SUPT3H: variants seen among roughly 807,000 people sequenced by gnomAD.
SUPT3H encodes SPT3 homolog, SAGA and STAGA complex component, also known as transcription initiation protein SPT3 homolog.
A neutral mutation model predicts 44.3 loss-of-function variants in SUPT3H; 44 were observed. The observed-to-expected ratio is 0.99, with a 90% CI of 0.78 to 1.28. The LOEUF (loss-of-function observed/expected upper bound fraction) is 1.28. SUPT3H is among the 50% of genes most tolerant of loss of function. The pLI is 0.00. For missense variants in SUPT3H, 380 were observed against 387.1 expected (o/e 0.98, Z 0.15); for synonymous variants, 124 against 125.6 (o/e 0.99, Z 0.09).
intron 2 of SUPT3H, among the ~76,000 whole-genome samples, chr6:45,320,045 AATG>A (rs1380221144): frequency 2.0e-5 from 3 of 152,158 alleles, no homozygotes; most frequent in African/African-American, 7.2e-5. Flanking sequence ...GACACAATAT[AATG>A]ATTATATGAT....
At chr6:45,354,280 C>T (rs563263305) in intron 2 of SUPT3H, among the ~76,000 whole-genome samples, 6 of 152,080 alleles carry the variant, frequency 3.9e-5, no homozygotes, top group Non-Finnish European at 7.4e-5. Context: ...GATAGATATA[C>T]ACACAATGAA....
chr6:45,168,767 C>T (rs1039966272), intron 2 of SUPT3H, among the ~76,000 whole-genome samples: 12 of 152,150 alleles, frequency 7.9e-5, no homozygotes, highest in East Asian at 3.8e-4. Context: ...TAAGTATACA[C>T]GCACCTGGCA....
chr6:44,933,694 A>G (rs1770956399), intron 9 of SUPT3H, among the ~76,000 whole-genome samples: 1 of 152,238 alleles, frequency 6.6e-6, no homozygotes, highest in South Asian at 2.1e-4. Context: ...CCTAGACTGC[A>G]GTGCAGTGGT....
At chr6:45,266,044 G>A (rs544573768) in intron 2 of SUPT3H, among the ~76,000 whole-genome samples, 13 of 151,978 alleles carry the variant, frequency 8.6e-5, no homozygotes, top group African/African-American at 1.7e-4. Context: ...GTACCACCAC[G>A]ATTTTTTATT....
At chr6:45,258,625 A>G (rs1773807933) in intron 2 of SUPT3H, among the ~76,000 whole-genome samples, 2 of 152,228 alleles carry the variant, frequency 1.3e-5, no homozygotes, top group South Asian at 2.1e-4. Flanking sequence ...GTCAGTCAGT[A>G]AAAGACTTCA....
At chr6:44,819,087 G>T (rs943030740) in intron 11 of SUPT3H, among the ~76,000 whole-genome samples, 1 of 152,068 alleles carries the variant, frequency 6.6e-6, no homozygotes, top group Non-Finnish European at 1.5e-5. Flanking sequence ...ACTCAATAGC[G>T]AATGGATGAA....
At chr6:45,043,621 T>C (rs942990646) in intron 3 of SUPT3H, among the ~76,000 whole-genome samples, 1 of 151,836 alleles carries the variant, frequency 6.6e-6, no homozygotes, top group African/African-American at 2.4e-5. Context: ...CAAAAAGAGG[T>C]GAAAACATGG....
intron 2 of SUPT3H, among the ~76,000 whole-genome samples, chr6:45,146,420 G>A (rs1280047968): frequency 1.3e-5 from 2 of 152,004 alleles, no homozygotes; most frequent in Admixed American, 6.6e-5. Flanking sequence ...TGGACTTTGG[G>A]GACTCAGGAA....
At chr6:44,863,494 C>T (rs138827135) in intron 10 of SUPT3H, among the ~76,000 whole-genome samples, 30 of 152,010 alleles carry the variant, frequency 2.0e-4, no homozygotes, top group African/African-American at 7.2e-4. Flanking sequence ...ACAGAATAAG[C>T]CATGTAGTAT....
intron 2 of SUPT3H, among the ~76,000 whole-genome samples, chr6:45,231,306 TTGCTTGTCTG>T (rs533413626): frequency 1.2e-4 from 18 of 152,326 alleles, no homozygotes; most frequent in Non-Finnish European, 2.4e-4. Context: ...CTCTCAGCAT[TTGCTTGTCTG>T]GAAAAGACTT....
chr6:45,017,814 G>A (rs1784523956), intron 4 of SUPT3H, among the ~76,000 whole-genome samples: 1 of 142,058 alleles, frequency 7.0e-6, no homozygotes, highest in Non-Finnish European at 1.5e-5. Flanking sequence ...GCTTAGGATT[G>A]ACTTGGCGAT....
chr6:45,163,963 C>A (rs544893861), intron 2 of SUPT3H, among the ~76,000 whole-genome samples: 1 of 152,196 alleles, frequency 6.6e-6, no homozygotes, highest in East Asian at 1.9e-4. Flanking sequence ...GCCTACTCAC[C>A]AAAATTTACT....
chr6:45,283,102 G>A (rs1354867143), intron 2 of SUPT3H, among the ~76,000 whole-genome samples: 1 of 152,084 alleles, frequency 6.6e-6, no homozygotes, highest in Admixed American at 6.6e-5. Context: ...ACATGGAAAG[G>A]AACAACCAGT....
intron 10 of SUPT3H, among the ~76,000 whole-genome samples, chr6:44,918,258 C>T (rs1468579783): frequency 6.6e-6 from 1 of 152,092 alleles, no homozygotes; most frequent in East Asian, 1.9e-4. Flanking sequence ...CTACAAAATC[C>T]CTATTTTTCT....
intron 2 of SUPT3H, among the ~76,000 whole-genome samples, chr6:45,205,943 G>C (rs1237634101): frequency 6.6e-6 from 1 of 152,112 alleles, no homozygotes; most frequent in African/African-American, 2.4e-5. Context: ...TTCACAGAAG[G>C]CCTTAAAATT....
At chr6:45,010,739 C>T (rs537272402) in intron 5 of SUPT3H, among the ~76,000 whole-genome samples, 1 of 152,164 alleles carries the variant, frequency 6.6e-6, no homozygotes, top group South Asian at 2.1e-4. Context: ...AAGGTTCCAT[C>T]CTTATGACCT....
rs1003706024 is a variant in SUPT3H, at chr6:44,941,909, T to A, written c.802-9146A>T. ...CTGAATATAGAAAGAAGTGTATAAA[T>A]GAGTAGAAAAATAATTAAAGCCTCT... On this transcript the variant is annotated intron_variant, in intron 9 of 10. Transcript: ENST00000371459. Among the ~76,000 whole-genome samples the A allele has an allele frequency of 2.0e-5, 3 of 152,100 alleles. No individual in the cohort carries two copies. The South Asian group carries it at 6.2e-4, about 31-fold the overall frequency.
intron 10 of SUPT3H, among the ~76,000 whole-genome samples, chr6:44,834,987 T>C (rs945942466): frequency 6.6e-6 from 1 of 152,158 alleles, no homozygotes; most frequent in African/African-American, 2.4e-5. Context: ...GCTTTTCTGC[T>C]TTATGATTAG....
At chr6:45,160,812 A>C (rs1282510837) in intron 2 of SUPT3H, among the ~76,000 whole-genome samples, 5 of 152,116 alleles carry the variant, frequency 3.3e-5, no homozygotes, top group Non-Finnish European at 7.4e-5. Context: ...CTTGATATGA[A>C]TCTCCCCCTA....
Sources: gnomAD v4.1 joint callset for allele counts (sites outside exome capture counted in the v4.1 genomes callset) on GRCh38, gnomAD v4.1.1 for gene constraint, MANE v1.5 for transcripts, NCBI Gene and HGNC (gene_info 2026-07-23, HGNC 2026-07-21) for gene names.